Variants in PHLDB2 observed in about 807,000 individuals in gnomAD.
PHLDB2 encodes the protein pleckstrin homology like domain family B member 2, also known as pleckstrin homology-like domain family B member 2.
Under a neutral mutation model 123.6 loss-of-function variants are expected in PHLDB2, and 71 were observed. The ratio of observed to expected loss-of-function variants is 0.57; its 90% CI spans 0.47 to 0.70. The LOEUF (loss-of-function observed/expected upper bound fraction) is 0.70. Among genes scored for constraint, PHLDB2 ranks in the 30% least tolerant of loss-of-function variants. PHLDB2 has a pLI of 0.00. For missense variants in PHLDB2, 1,446 were observed against 1,519.5 expected (o/e 0.95, Z 0.80); for synonymous variants, 547 against 541.6 (o/e 1.01, Z -0.14).
Position 111,851,141 on chromosome 3 carries a change from G to A in PHLDB2, c.67+5206G>A, listed in dbSNP as rs144300949. ...ACCCATGAGGCAGAGCTTGCAGTGA[G>A]CCGAGATCACGCCACTGCACTCCAG... On this transcript the variant is annotated intron_variant, in intron 2 of 17. Coordinates refer to the PHLDB2 transcript ENST00000393923. Among the ~76,000 whole-genome samples the A allele has an allele frequency of 7.6e-3, 1,108 of 145,262 alleles. 21 individuals carry two copies. Among genetic ancestry groups the A allele is most frequent in the African/African-American group, 0.027 (1,046 of 39,258 alleles).
Position 111,738,054 on chromosome 3 carries a change from G to A in PHLDB2, c.-49+5351G>A, listed in dbSNP as rs141079413. 1.1e-4 allele frequency among the ~76,000 whole-genome samples: 17 copies of A among 152,218 alleles called. No individual in the cohort carries two copies. In the East Asian group the frequency reaches 3.1e-3, roughly 28 times the overall value. On this transcript the variant is annotated intron_variant, in intron 1 of 17. Transcript: ENST00000393923. ...ACCCAAGGAAAGCCAATACCCCTACGAATTCCAAGGAGATGTACTTTTAAT... is the reference window on the plus strand; with the variant it reads ...ACCCAAGGAAAGCCAATACCCCTACAAATTCCAAGGAGATGTACTTTTAAT...
rs916690530 is a variant in PHLDB2, at chr3:111,921,690, G to A, written c.2001+1271G>A. Among the ~76,000 whole-genome samples the A allele has an allele frequency of 4.9e-5, 7 of 142,784 alleles. No homozygotes were observed. In the South Asian group the frequency reaches 9.0e-4, roughly 18 times the overall value. The allele number at this position is 142,784 out of a possible 152,430, so 93.7% of individuals were successfully genotyped here. Reference sequence around the variant, plus strand: ...GCAATCTCAGCTCACTGCAAGCTCCGCCTCGCAGGTTCAGCCATTCTCCTG... The same window carrying A: ...GCAATCTCAGCTCACTGCAAGCTCCACCTCGCAGGTTCAGCCATTCTCCTG... On this transcript the variant is annotated intron_variant, in intron 5 of 17. Coordinates refer to ENST00000431670, the MANE Select transcript of PHLDB2 (RefSeq NM_001134438.2).
intron 1 of PHLDB2, among the ~76,000 whole-genome samples, chr3:111,830,979 A>G (rs113090481): frequency 7.5e-5 from 4 of 53,238 alleles, no homozygotes; most frequent in Non-Finnish European, 6.9e-5. Flanking sequence ...GAAAGAAAGA[A>G]AGAAAGAAAG....
intron 1 of PHLDB2, among the ~76,000 whole-genome samples, chr3:111,736,018 T>C (rs1398316042): frequency 6.6e-6 from 1 of 152,184 alleles, no homozygotes; most frequent in Non-Finnish European, 1.5e-5. Flanking sequence ...CCTTAGAGTA[T>C]ATATTTATTC....
intron 1 of PHLDB2, among the ~76,000 whole-genome samples, chr3:111,795,509 A>G (rs900771358): frequency 1.3e-5 from 2 of 152,202 alleles, no homozygotes; most frequent in African/African-American, 2.4e-5. Context: ...AGTGAGTCAC[A>G]TGGGAGCAGA....
At chr3:111,734,930 C>A (rs754277687) in intron 1 of PHLDB2, among the ~76,000 whole-genome samples, 1 of 152,168 alleles carries the variant, frequency 6.6e-6, no homozygotes, top group Non-Finnish European at 1.5e-5. Context: ...TAGTGGACTT[C>A]CAAAAAGGAT....
intron 1 of PHLDB2, among the ~76,000 whole-genome samples, chr3:111,762,380 T>C (rs1483764018): frequency 2.0e-5 from 3 of 152,144 alleles, no homozygotes; most frequent in Non-Finnish European, 4.4e-5. Context: ...ATATAGCCAA[T>C]ATGTGTAATG....
At position 111,969,865 on chromosome 3, in the gene PHLDB2, G is replaced by C; in HGVS notation, c.3491G>C (p.Trp1164Ser). The change falls in exon 16 of 18, where the codon TGG becomes TCG. Residue 1164 changes from tryptophan to serine, a missense_variant. By Grantham distance (177) the Trp-to-Ser change is radical. This residue lies in a region of PHLDB2 where 594 missense variants were observed against 646.0 expected (regional missense o/e 0.92). Coordinates refer to ENST00000431670, the MANE Select transcript of PHLDB2 (RefSeq NM_001134438.2). ...AAAATTAAAACGTGGAAAAAACGTT[G>C]GTTTGTTTTTGATCGGAACAAGCGA... The part of the protein sequence containing the change: ...GGKIKTWKKR[W>S]FVFDRNKRTF... 2 of 1,613,982 alleles carry C rather than the reference G, an allele frequency of 1.2e-6. No individual in the cohort carries two copies. The highest frequency in any genetic ancestry group is 1.7e-6 in the Non-Finnish European group (2 of 1,179,908).
At chr3:111,944,189 A>G (rs2070119334) in intron 8 of PHLDB2, among the ~76,000 whole-genome samples, 3 of 152,168 alleles carry the variant, frequency 2.0e-5, no homozygotes. Flanking sequence ...CACAGGCAAA[A>G]CTAGTGTTAA....
chr3:111,763,830 A>G (rs1000332202), intron 1 of PHLDB2, among the ~76,000 whole-genome samples: 1 of 152,128 alleles, frequency 6.6e-6, no homozygotes, highest in Non-Finnish European at 1.5e-5. Context: ...ACAGTCCCTC[A>G]CCAGACACTG....
intron 5 of PHLDB2, 26 bp downstream of exon 5, chr3:111,920,445 A>G (rs1019360428): frequency 1.9e-6 from 3 of 1,606,716 alleles, no homozygotes; most frequent in Admixed American, 1.7e-5. Context: ...ATTTCAATGC[A>G]GTTTTTATGG....
At chr3:111,889,941 T>C (rs1210165226) in intron 2 of PHLDB2, among the ~76,000 whole-genome samples, 4 of 152,120 alleles carry the variant, frequency 2.6e-5, no homozygotes, top group Non-Finnish European at 5.9e-5. Flanking sequence ...GGTTTATGGC[T>C]TAAGTCCTAC....
At chr3:111,803,896 T>A (rs1213965138) in intron 1 of PHLDB2, among the ~76,000 whole-genome samples, 1 of 152,206 alleles carries the variant, frequency 6.6e-6, no homozygotes, top group Admixed American at 6.5e-5. Flanking sequence ...GGTGAAATGG[T>A]ATCTTGAGAG....
chr3:111,737,206 A>G (rs1454318921), intron 1 of PHLDB2, among the ~76,000 whole-genome samples: 1 of 152,226 alleles, frequency 6.6e-6, no homozygotes, highest in Non-Finnish European at 1.5e-5. Context: ...TCAGCTATGC[A>G]TCTGGAGGAG....
At chr3:111,885,716 T>C (rs2107337802) in intron 2 of PHLDB2, 1 of 615,698 alleles carries the variant, frequency 1.6e-6, no homozygotes, top group East Asian at 2.7e-5. Context: ...AATTTCTGAG[T>C]CTTACAAACT....
At chr3:111,829,941 C>T (rs913352735) in intron 1 of PHLDB2, among the ~76,000 whole-genome samples, 1 of 141,050 alleles carries the variant, frequency 7.1e-6, no homozygotes, top group Admixed American at 6.9e-5. Flanking sequence ...CACACACACA[C>T]ACACACACAC....
intron 2 of PHLDB2, among the ~76,000 whole-genome samples, chr3:111,897,322 T>C (rs907229428): frequency 6.6e-6 from 1 of 152,206 alleles, no homozygotes; most frequent in Admixed American, 6.5e-5. Flanking sequence ...GTGTGTTTCG[T>C]TGGGTCCCCA....
At chr3:111,855,243 T>A (rs2064428723), upstream of PHLDB2, among the ~76,000 whole-genome samples, 1 of 152,156 alleles carries the variant, frequency 6.6e-6, no homozygotes, top group Admixed American at 6.6e-5. Flanking sequence ...CCACTACAGA[T>A]CCTGGAGAGG....
At chr3:111,774,815 C>G (rs781038695) in intron 1 of PHLDB2, among the ~76,000 whole-genome samples, 8 of 152,116 alleles carry the variant, frequency 5.3e-5, no homozygotes, top group Non-Finnish European at 1.0e-4. Context: ...GCTCTTTTGT[C>G]AACTCCACAG....
Sources: gnomAD v4.1 joint callset for allele counts (sites outside exome capture counted in the v4.1 genomes callset) on GRCh38, gnomAD v4.1.1 for gene constraint, gnomAD v4.1.1 regional missense constraint, MANE v1.5 for transcripts, NCBI Gene and HGNC (gene_info 2026-07-23, HGNC 2026-07-21) for gene names.